Variants in COLGALT2 observed in about 807,000 individuals in gnomAD.
COLGALT2 encodes procollagen galactosyltransferase 2.
A neutral mutation model predicts 73.4 loss-of-function variants in COLGALT2; 49 were observed. The observed-to-expected ratio is 0.67, with a 90% CI of 0.53 to 0.85. COLGALT2 has a LOEUF of 0.85. COLGALT2 is among the 40% of genes least tolerant of loss of function. The pLI, the probability that COLGALT2 is intolerant of heterozygous loss-of-function variation, is 0.00. For missense variants in COLGALT2, 722 were observed against 790.2 expected (o/e 0.91, Z 1.03); for synonymous variants, 295 against 307.6 (o/e 0.96, Z 0.43).
chr1:183,958,721 A>G (rs1670617451), intron 6 of COLGALT2, among the ~76,000 whole-genome samples: 1 of 149,214 alleles, frequency 6.7e-6, no homozygotes, highest in Non-Finnish European at 1.5e-5. Context: ...TAGCCTCTGC[A>G]ATATTGTTCT....
chr1:183,931,860 TAA>T (rs35058267), downstream of COLGALT2, among the ~76,000 whole-genome samples: 523 of 119,914 alleles, frequency 4.4e-3, 1 homozygote, highest in East Asian at 0.011. Context: ...GTTCCTGCCA[TAA>T]AAAAAAAAAA....
intron 1 of COLGALT2, among the ~76,000 whole-genome samples, chr1:184,033,520 T>C (rs1649578414): frequency 6.6e-6 from 1 of 152,234 alleles, no homozygotes; most frequent in Non-Finnish European, 1.5e-5. Context: ...GACAGGTAAA[T>C]GTAAAAAGCT....
rs961116286 is a variant in COLGALT2 at position 184,016,562 on chromosome 1, C to G, written c.263+20533G>C. On this transcript the variant is annotated intron_variant, in intron 1 of 11. Transcript: ENST00000361927. The stretch of plus-strand genomic sequence containing the variant: ...CATTGGGTGGGGCAGCAGGCAGGTG[C>G]TGTGTTTTAAAGCTAAAGACCTAGG... 2.6e-5 allele frequency among the ~76,000 whole-genome samples: 4 copies of G among 152,302 alleles called. No individual in the cohort carries two copies. In the East Asian group the frequency reaches 7.7e-4, roughly 29 times the overall value.
intron 1 of COLGALT2, among the ~76,000 whole-genome samples, chr1:184,023,908 T>C (rs919637329): frequency 6.6e-6 from 1 of 152,154 alleles, no homozygotes; most frequent in Non-Finnish European, 1.5e-5. Context: ...TGAAAAAAGA[T>C]AGCATTTTCA....
intron 8 of COLGALT2, chr1:183,946,676 GCAAAATAAATCT>G (rs1212027826): frequency 2.0e-5 from 3 of 152,184 alleles, no homozygotes; most frequent in Admixed American, 6.5e-5. Context: ...CTAATATTGG[GCAAAATAAATCT>G]CAGACAAAAT....
chr1:183,944,221 G>A lies in COLGALT2; in HGVS notation c.1372C>T (p.Gln458Ter), dbSNP rs1166152938. The A allele has an allele frequency of 1.2e-6, 2 of 1,613,576 alleles. No homozygotes were observed. Among genetic ancestry groups the A allele is most frequent in the Non-Finnish European group, 1.7e-6 (2 of 1,179,844 alleles). ...ATCAGTTCCCAGTCCAGCTGAGCCT[G>A]GTCAATGTTATCCATCAGCTTCATC... Reference protein sequence around the residue: ...KLMKLMDNIDQAQLDWELIYI... With the variant: ...KLMKLMDNID Residue 458 changes from glutamine (Q) to a stop codon, truncating the protein, a stop_gained, in exon 10 of 12, where the codon CAG becomes TAG. Transcript: ENST00000361927. LOFTEE classifies it high-confidence loss of function.
chr1:183,959,810 CATT>C (rs2102803634), intron 6 of COLGALT2, among the ~76,000 whole-genome samples: 1 of 152,242 alleles, frequency 6.6e-6, no homozygotes, highest in African/African-American at 2.4e-5. Context: ...GTGATCTGGA[CATT>C]TCTTCTTCCA....
intron 5 of COLGALT2, among the ~76,000 whole-genome samples, chr1:183,966,259 C>A (rs1339605532): frequency 6.6e-6 from 1 of 152,158 alleles, no homozygotes; most frequent in East Asian, 1.9e-4. Context: ...TCTGCACTCC[C>A]AGTGAATGCT....
chr1:184,025,474 G>C (rs544593038), intron 1 of COLGALT2, among the ~76,000 whole-genome samples: 1 of 152,178 alleles, frequency 6.6e-6, no homozygotes, highest in African/African-American at 2.4e-5. Context: ...ACTGTAGGAA[G>C]GAATCCTGAG....
At chr1:183,932,459 A>G (rs1376599012), downstream of COLGALT2, among the ~76,000 whole-genome samples, 1 of 152,074 alleles carries the variant, frequency 6.6e-6, no homozygotes. Context: ...CATGTCTTCA[A>G]AGAAGCCCTC....
At position 183,944,228 on chromosome 1, in the gene COLGALT2, G is replaced by A. The variant is rs547939412; in HGVS notation, c.1365C>T (p.Asn455=). ...CCCAGTCCAGCTGAGCCTGGTCAAT[G>A]TTATCCATCAGCTTCATCAGCTTCT... ...FKKKLMKLMD[N]IDQAQLDWEL... The change falls in exon 10 of 12, where the codon AAC becomes AAT. Residue 455 remains asparagine (N), a synonymous_variant. Coordinates refer to ENST00000361927, the MANE Select transcript of COLGALT2 (RefSeq NM_015101.4). 7.4e-6 allele frequency: 12 copies of A among 1,613,860 alleles called. 1 individual carries two copies. The South Asian group carries it at 1.3e-4, about 18-fold the overall frequency.
intron 10 of COLGALT2, among the ~76,000 whole-genome samples, chr1:183,943,008 C>T (rs967765818): frequency 1.3e-5 from 2 of 152,196 alleles, no homozygotes; most frequent in African/African-American, 4.8e-5. Context: ...GAGGCCTTAA[C>T]CACAGGCTGC....
At chr1:183,995,512 G>T (rs1238509818) in intron 1 of COLGALT2, among the ~76,000 whole-genome samples, 1 of 152,252 alleles carries the variant, frequency 6.6e-6, no homozygotes, top group African/African-American at 2.4e-5. Context: ...AGCTTCCAGA[G>T]AGTTCTTCAA....
intron 1 of COLGALT2, among the ~76,000 whole-genome samples, chr1:184,036,557 C>A (rs1412478942): frequency 6.6e-6 from 1 of 152,200 alleles, no homozygotes; most frequent in East Asian, 1.9e-4. Context: ...GAGCTAGGAG[C>A]ACATTTCCAG....
chr1:183,981,951 G>C (rs1031746042), intron 1 of COLGALT2, among the ~76,000 whole-genome samples: 1 of 152,110 alleles, frequency 6.6e-6, no homozygotes, highest in Non-Finnish European at 1.5e-5. Flanking sequence ...GGACATAGAG[G>C]TATGTAAGTA....
chr1:184,029,579 G>A (rs886492024), intron 1 of COLGALT2, among the ~76,000 whole-genome samples: 1 of 152,268 alleles, frequency 6.6e-6, no homozygotes, highest in Non-Finnish European at 1.5e-5. Flanking sequence ...AATAGTTGCT[G>A]TGTATGAATC....
chr1:183,948,823 A>C (rs1670316800), intron 8 of COLGALT2, among the ~76,000 whole-genome samples: 1 of 152,188 alleles, frequency 6.6e-6, no homozygotes, highest in Admixed American at 6.5e-5. Context: ...AGAAGATCCT[A>C]AGGAATATAC....
rs193084329 is a variant in COLGALT2, at chr1:183,995,380, A to G, written c.264-16860T>C. Among the ~76,000 whole-genome samples, 11 of 152,382 alleles carry G rather than the reference A, an allele frequency of 7.2e-5. No individual in the cohort carries two copies. The East Asian group carries it at 1.5e-3, about 21-fold the overall frequency. On this transcript the variant is annotated intron_variant, in intron 1 of 11. Transcript: ENST00000361927. ...CACATATAGTCATGTCTGAACATAG[A>G]TGAACAAAAATCTTAAAACCTTAGC...
At chr1:184,023,734 T>C (rs1649247200) in intron 1 of COLGALT2, among the ~76,000 whole-genome samples, 1 of 151,938 alleles carries the variant, frequency 6.6e-6, no homozygotes, top group Non-Finnish European at 1.5e-5. Flanking sequence ...ACCAAATACC[T>C]GCAACACGTA....
Sources: gnomAD v4.1 joint callset for allele counts (sites outside exome capture counted in the v4.1 genomes callset) on GRCh38, gnomAD v4.1.1 for gene constraint, MANE v1.5 for transcripts, NCBI Gene and HGNC (gene_info 2026-07-23, HGNC 2026-07-21) for gene names.